Variants in NAV2 observed in about 807,000 individuals in gnomAD.
NAV2 encodes the protein neuron navigator 2, also known as helicase, APC down-regulated 1.
Under a neutral mutation model 223.2 loss-of-function variants are expected in NAV2, and 54 were observed. The observed-to-expected ratio is 0.24, with a 90% confidence interval of 0.19 to 0.30. The LOEUF is 0.30. Ranked by LOEUF, NAV2 falls within the 10% of genes least tolerant of loss-of-function variation. The pLI is 1.00. For missense variants in NAV2, 2,806 were observed against 3,147.5 expected, an observed-to-expected ratio of 0.89 and a Z score of 2.60; for synonymous variants, 1,279 against 1,239.3, an observed-to-expected ratio of 1.03 and a Z score of -0.67.
intron 11 of NAV2, among the ~76,000 whole-genome samples, chr11:19,999,253 C>G (rs530136965): frequency 6.6e-6 from 1 of 152,206 alleles, no homozygotes; most frequent in African/African-American, 2.4e-5. Context: ...CTCAGCCAGT[C>G]CTCAAAGAGA....
chr11:19,542,335 A>G (rs1005141584), intron 1 of NAV2, among the ~76,000 whole-genome samples: 2 of 152,250 alleles, frequency 1.3e-5, no homozygotes, highest in African/African-American at 4.8e-5. Flanking sequence ...GGTAGATACT[A>G]TAATACGATT....
At chr11:19,876,299 T>G (rs1360461008) in intron 4 of NAV2, among the ~76,000 whole-genome samples, 1 of 152,184 alleles carries the variant, frequency 6.6e-6, no homozygotes, top group East Asian at 1.9e-4. Flanking sequence ...GTGCTGGGAT[T>G]ACAGGAGTTT....
chr11:19,580,668 AATTTG>A (rs2045689983), intron 1 of NAV2, among the ~76,000 whole-genome samples: 1 of 152,168 alleles, frequency 6.6e-6, no homozygotes, highest in South Asian at 2.1e-4. Context: ...TATCTTAGGC[AATTTG>A]ATTTATTTTC....
intron 20 of NAV2, among the ~76,000 whole-genome samples, chr11:20,066,327 A>G (rs1190756307): frequency 6.6e-6 from 1 of 152,182 alleles, no homozygotes; most frequent in Admixed American, 6.5e-5. Flanking sequence ...AGACAAATGA[A>G]TATTATCTGG....
At chr11:19,425,226 A>G (rs1850778286) in intron 1 of NAV2, among the ~76,000 whole-genome samples, 1 of 152,248 alleles carries the variant, frequency 6.6e-6, no homozygotes, top group Non-Finnish European at 1.5e-5. Context: ...TGGACCTTTA[A>G]GGATGAATAG....
At chr11:19,796,890 C>T (rs2057939421) in intron 1 of NAV2, among the ~76,000 whole-genome samples, 3 of 152,204 alleles carry the variant, frequency 2.0e-5, no homozygotes, top group African/African-American at 7.2e-5. Flanking sequence ...CTCCCCATGG[C>T]TCTATTGTCT....
intron 10 of NAV2, among the ~76,000 whole-genome samples, chr11:19,953,179 C>G (rs1247598369): frequency 6.6e-6 from 1 of 151,908 alleles, no homozygotes; most frequent in East Asian, 1.9e-4. Context: ...GTGTAATGTT[C>G]CAAAGTATAA....
chr11:19,524,407 G>A (rs576605223), intron 1 of NAV2, among the ~76,000 whole-genome samples: 20 of 152,212 alleles, frequency 1.3e-4, no homozygotes, highest in East Asian at 1.9e-4. Flanking sequence ...CTGCATGTGC[G>A]TTTCGTGCCT....
chr11:19,537,347 C>A (rs2044219232), intron 1 of NAV2, among the ~76,000 whole-genome samples: 1 of 152,178 alleles, frequency 6.6e-6, no homozygotes, highest in African/African-American at 2.4e-5. Flanking sequence ...GCCAACCTCA[C>A]AACAACCTCA....
At chr11:19,465,848 C>G (rs1453107080) in intron 1 of NAV2, among the ~76,000 whole-genome samples, 1 of 152,194 alleles carries the variant, frequency 6.6e-6, no homozygotes, top group Non-Finnish European at 1.5e-5. Context: ...TTCCTTTGCT[C>G]TTTCTAATAT....
chr11:19,915,332 G>A (rs2043710402), intron 6 of NAV2, among the ~76,000 whole-genome samples: 1 of 152,178 alleles, frequency 6.6e-6, no homozygotes, highest in African/African-American at 2.4e-5. Flanking sequence ...TTGTAGCCAG[G>A]TAAACTTCCT....
Position 20,103,298 on chromosome 11 carries a change from G to A in NAV2, c.6461G>A (p.Ser2154Asn). 6.2e-7 allele frequency: 1 copy of A among 1,614,208 alleles called. No individual in the cohort carries two copies. Among genetic ancestry groups the A allele is most frequent in the Non-Finnish European group, 8.5e-7 (1 of 1,180,022 alleles). Residue 2154 changes from serine to asparagine, a missense_variant, in exon 33 of 38, where the codon AGT becomes AAT. By Grantham distance (46) the Ser-to-Asn change is conservative. Transcript: ENST00000349880. ...YLSNLADQCN[S>N]ENNAVDMPLV... ...TCCAACCTTGCTGACCAGTGCAACA[G>A]TGAGAACAATGCTGTGGACATGCCC...
intron 19 of NAV2, among the ~76,000 whole-genome samples, chr11:20,061,397 C>T (rs1184186195): frequency 2.0e-5 from 3 of 151,250 alleles, no homozygotes; most frequent in African/African-American, 7.3e-5. Flanking sequence ...TGGAGAAACC[C>T]CATCTCTACT....
chr11:19,880,017 C>A lies in NAV2; in HGVS notation c.660C>A (p.Cys220Ter). ...VSQVAGAPSQCQAGTPQQQVP... is the reference protein window; with the variant it reads ...VSQVAGAPSQ ...AGGTGGCCGGGGCCCCCTCCCAGTG[C>A]CAGGCTGGCACCCCTCAGCAGCAGG... The change falls in exon 5 of 38, where the codon TGC becomes TGA. Residue 220 changes from cysteine to a stop codon, truncating the protein, a stop_gained. Coordinates refer to ENST00000349880, the MANE Select transcript of NAV2 (RefSeq NM_145117.5). LOFTEE classifies it high-confidence loss of function. The A allele has an allele frequency of 6.2e-7, 1 of 1,613,786 alleles. No individual in the cohort carries two copies. Among genetic ancestry groups the A allele is most frequent in the Non-Finnish European group, 8.5e-7 (1 of 1,179,850 alleles).
chr11:19,924,008 G>A lies in NAV2; in HGVS notation c.932-9168G>A, dbSNP rs76042661. On this transcript the variant is annotated intron_variant, in intron 6 of 37. Transcript: ENST00000349880. Reference sequence around the variant, plus strand: ...TCCTTCAGACACCAGCAAATGATCCGTCTCCTTACCCAGCTGAGTGGGAGG... The same window carrying A: ...TCCTTCAGACACCAGCAAATGATCCATCTCCTTACCCAGCTGAGTGGGAGG... Among the ~76,000 whole-genome samples the A allele has an allele frequency of 1.2e-4, 19 of 152,212 alleles. No homozygotes were observed. In the East Asian group the frequency reaches 1.5e-3, roughly 12 times the overall value.
At chr11:19,659,213 G>A (rs1241382734) in intron 1 of NAV2, among the ~76,000 whole-genome samples, 2 of 152,160 alleles carry the variant, frequency 1.3e-5, no homozygotes, top group African/African-American at 4.8e-5. Flanking sequence ...CATTTAGACC[G>A]GAGACCTCTG....
chr11:19,707,664 T>C (rs998682074), intron 1 of NAV2, among the ~76,000 whole-genome samples: 3 of 152,212 alleles, frequency 2.0e-5, no homozygotes, highest in East Asian at 1.9e-4. Flanking sequence ...CAATGAATAG[T>C]ACAGTAAATA....
chr11:19,885,013 G>A (rs985419478), intron 5 of NAV2, among the ~76,000 whole-genome samples: 1 of 152,160 alleles, frequency 6.6e-6, no homozygotes, highest in African/African-American at 2.4e-5. Context: ...ACTTCAACCT[G>A]TCTGCTGCCT....
Position 20,095,696 on chromosome 11 carries a change from A to G in NAV2, c.5941A>G (p.Ile1981Val). Reference sequence around the variant, plus strand: ...GGATTCCAGACCACATCTCTTTCTTATTGGCTGCATTGGAGTTAGTGGCAA... The same window carrying G: ...GGATTCCAGACCACATCTCTTTCTTGTTGGCTGCATTGGAGTTAGTGGCAA... Reference protein sequence around the residue: ...KEDSRPHLFLIGCIGVSGKTK... With the variant: ...KEDSRPHLFLVGCIGVSGKTK... The change falls in exon 30 of 38, where the codon ATT (isoleucine) becomes GTT (valine). Residue 1981 changes from isoleucine to valine, a missense_variant. Physicochemically the swap from Ile to Val is conservative, Grantham distance 29. Around this residue, in one of 4 missense-constraint regions of NAV2, gnomAD observed 824 missense variants for 1,069.4 expected, o/e 0.77. Transcript: ENST00000349880. 6.2e-7 allele frequency: 1 copy of G among 1,613,782 alleles called. No individual in the cohort carries two copies. Among genetic ancestry groups the G allele is most frequent in the Non-Finnish European group, 8.5e-7 (1 of 1,179,760 alleles).
Sources: allele counts gnomAD v4.1 joint callset (sites outside exome capture counted in the v4.1 genomes callset), GRCh38; gene constraint gnomAD v4.1.1; regional missense constraint gnomAD v4.1.1; transcripts MANE v1.5; gene names NCBI Gene and HGNC (gene_info 2026-07-23, HGNC 2026-07-21).